Variants in ABCA7 observed in about 807,000 individuals in gnomAD.
The protein encoded by ABCA7 is ATP binding cassette subfamily A member 7.
ABCA7 carries 261 observed loss-of-function variants against 227.6 expected under a neutral mutation model. The observed-to-expected ratio is 1.15, with a 90% CI of 1.04 to 1.27. The LOEUF (loss-of-function observed/expected upper bound fraction) is 1.27. ABCA7 is among the 50% of genes most tolerant of loss of function. The probability of loss-of-function intolerance (pLI) is 0.00; values close to 1 mark genes in which losing one functional copy is unlikely to be tolerated. For synonymous variants in ABCA7, 1,488 were observed against 1,279.7 expected (o/e 1.16, Z -3.47); for missense variants, 3,331 against 2,924.5 (o/e 1.14, Z -3.21).
Position 1,047,192 on chromosome 19 carries a change from G to A in ABCA7, c.1881G>A (p.Val627=), listed in dbSNP as rs1181056127. Residue 627 remains valine, a synonymous_variant, in exon 15 of 47, where the codon GTG becomes GTA. Coordinates refer to ENST00000263094, the MANE Select transcript of ABCA7 (RefSeq NM_019112.4). ...GDILPYSHPG[V]VFLFLAAFAV... is the part of the protein sequence containing the mutation. ...TCCTCCCCTACAGCCACCCGGGCGT[G>A]GTCTTCCTGTTCTTGGCAGCCTTCG... The A allele has an allele frequency of 4.4e-6, 7 of 1,605,634 alleles. No homozygotes were observed. The highest frequency in any genetic ancestry group is 1.3e-5 in the African/African-American group (1 of 74,568).
chr19:1,043,532 T>A (rs2040271124), intron 9 of ABCA7, 59 bp downstream of exon 9: 2 of 1,611,746 alleles, frequency 1.2e-6, no homozygotes, highest in Admixed American at 1.7e-5. Flanking sequence ...TCCAGTACCC[T>A]CAGTCCAGGT....
Position 1,065,082 on chromosome 19 carries a change from G to A in ABCA7, c.6196G>A (p.Ala2066Thr). The A allele has an allele frequency of 6.4e-7, 1 of 1,571,350 alleles. No individual in the cohort carries two copies. Among genetic ancestry groups the A allele is most frequent in the Non-Finnish European group, 8.6e-7 (1 of 1,159,600 alleles). ...CCAGCTGCCGCCGGGAGGGCGCTGC[G>A]CCCTGGCGCGCGTCTTTGGAGAGCT... The part of the protein sequence containing the change: ...RFQLPPGGRC[A>T]LARVFGELAV... Residue 2066 changes from alanine to threonine, a missense_variant, in exon 46 of 47, where the codon GCC becomes ACC. Coordinates refer to ENST00000263094, the MANE Select transcript of ABCA7 (RefSeq NM_019112.4).
chr19:1,062,298 G>A lies in ABCA7; in HGVS notation c.5697G>A (p.Glu1899=). The change falls in exon 42 of 47, where the codon GAG becomes GAA. Residue 1899 remains glutamate, a synonymous_variant. Transcript: ENST00000263094. The stretch of plus-strand genomic sequence containing the variant: ...TTGCGCGCCTGCGCGGTGTCCCGGA[G>A]GCCCAGGTTGCCCAGGTGAGCCCAC... ...ELLARLRGVP[E]AQVAQTAGSG... is the part of the protein sequence containing the mutation. 2 of 1,605,526 alleles carry A rather than the reference G, an allele frequency of 1.2e-6. No individual in the cohort carries two copies. The highest frequency in any genetic ancestry group is 1.7e-6 in the Non-Finnish European group (2 of 1,179,530).
intron 40 of ABCA7, among the ~76,000 whole-genome samples, chr19:1,060,207 AT>A (rs201967062): frequency 4.1e-5 from 4 of 96,770 alleles, no homozygotes; most frequent in African/African-American, 7.0e-5. Flanking sequence ...ATATATATAT[AT>A]TTTTTTTTCT....
intron 17 of ABCA7, 65 bp downstream of exon 17, chr19:1,049,070 T>G: frequency 1.0e-6 from 1 of 972,496 alleles, no homozygotes; most frequent in Non-Finnish European, 1.5e-6. Flanking sequence ...CAAAACGAGA[T>G]TCCACAGATG....
chr19:1,058,968 TG>T, intron 39 of ABCA7, 28 bp downstream of exon 39: 1 of 1,611,550 alleles, frequency 6.2e-7, no homozygotes, highest in Non-Finnish European at 8.5e-7. Flanking sequence ...GACTGCTGGG[TG>T]GGGGGTGCTC....
intron 12 of ABCA7, among the ~76,000 whole-genome samples, 162 bp from the exon 13 acceptor site, chr19:1,046,068 G>C (rs894701522): frequency 3.9e-5 from 6 of 152,198 alleles, no homozygotes; most frequent in African/African-American, 1.2e-4. Flanking sequence ...TGGGGGGATC[G>C]TTTGATCCCG....
In ABCA7 at chr19:1,051,516, C is replaced by T. The variant is rs117390715; in HGVS notation, c.2892C>T (p.Asp964=). Residue 964 remains aspartate (D), a synonymous_variant, in exon 21 of 47, where the codon GAC becomes GAT. Coordinates refer to ENST00000263094, the MANE Select transcript of ABCA7 (RefSeq NM_019112.4). ...GCGGCTCCCAAGTTGTTATCCTGGA[C>T]GAGCCTACGGCTGGCGTGGATCCTG... ...FVGGSQVVIL[D]EPTAGVDPAS... is the part of the protein sequence containing the mutation. 1.9e-6 allele frequency: 3 copies of T among 1,612,528 alleles called. No homozygotes were observed. The highest frequency in any genetic ancestry group is 1.7e-4 in the Middle Eastern group (1 of 6,040).
At chr19:1,059,485 T>C (rs1334346174) in intron 40 of ABCA7, among the ~76,000 whole-genome samples, 1 of 151,464 alleles carries the variant, frequency 6.6e-6, no homozygotes, top group Non-Finnish European at 1.5e-5. Flanking sequence ...CAGGATGGTC[T>C]CCATCTCCTG....
At position 1,055,249 on chromosome 19, in the gene ABCA7, C is replaced by T. The variant is rs139811629; in HGVS notation, c.4103C>T (p.Pro1368Leu). Residue 1368 changes from proline (P) to leucine (L), a missense_variant, in exon 30 of 47, where the codon CCG becomes CTG. By Grantham distance (98) the Pro-to-Leu change is moderately conservative. Coordinates refer to ENST00000263094, the MANE Select transcript of ABCA7 (RefSeq NM_019112.4). Reference sequence around the variant, plus strand: ...CCGGCTGCAGCTGGTGGTCCCCCTCCGCCCCAGGCAGTGACCGGCTCTGGG... The same window carrying T: ...CCGGCTGCAGCTGGTGGTCCCCCTCTGCCCCAGGCAGTGACCGGCTCTGGG... ...DCPAAAGGPP[P>L]PQAVTGSGEV... 60 of 1,603,496 alleles carry T rather than the reference C, an allele frequency of 3.7e-5. No individual in the cohort carries two copies. The highest frequency in any genetic ancestry group is 8.0e-5 in the African/African-American group (6 of 74,652).
chr19:1,053,744 T>G, intron 24 of ABCA7, 44 bp from the exon 25 acceptor site: 1 of 1,588,890 alleles, frequency 6.3e-7, no homozygotes, highest in East Asian at 2.2e-5. Context: ...CCCCCAGTTC[T>G]CCCTGTCGGT....
At chr19:1,064,413 G>A (rs2042899333) in intron 45 of ABCA7, among the ~76,000 whole-genome samples, 160 bp downstream of exon 45, 1 of 152,136 alleles carries the variant, frequency 6.6e-6, no homozygotes. Context: ...GAGGGGGCGA[G>A]ACAGGCTGGG....
At chr19:1,057,681 G>A (rs2042371037) in intron 35 of ABCA7, among the ~76,000 whole-genome samples, 1 of 151,912 alleles carries the variant, frequency 6.6e-6, no homozygotes, top group Non-Finnish European at 1.5e-5. Context: ...GAGGCAGGAG[G>A]ACTGCTTGTG....
Position 1,055,201 on chromosome 19 carries a change from C to T in ABCA7, c.4055C>T (p.Ala1352Val). ...SPACQCSRPG[A>V]RRLLPDCPAA... ...GCCTGCCAGTGTAGCCGGCCCGGTG[C>T]CCGGCGCCTGCTGCCCGACTGCCCG... The change falls in exon 30 of 47, where the codon GCC becomes GTC. Residue 1352 changes from alanine (A) to valine (V), a missense_variant. By Grantham distance (64) the Ala-to-Val change is moderately conservative. Coordinates refer to ENST00000263094, the MANE Select transcript of ABCA7 (RefSeq NM_019112.4). 6.2e-7 allele frequency: 1 copy of T among 1,610,934 alleles called. No individual in the cohort carries two copies. Among genetic ancestry groups the T allele is most frequent in the Non-Finnish European group, 8.5e-7 (1 of 1,179,016 alleles).
intron 41 of ABCA7, 22 bp from the exon 42 acceptor site, chr19:1,062,150 C>G: frequency 1.2e-6 from 2 of 1,608,250 alleles, no homozygotes; most frequent in Non-Finnish European, 1.7e-6. Context: ...GCTCTCTGAG[C>G]CCCCGGCGCC....
rs922973311 is a variant in ABCA7, at chr19:1,049,368, G to C, written c.2483G>C (p.Ser828Thr). The change falls in exon 18 of 47, where the codon AGC becomes ACC. Residue 828 changes from serine (S) to threonine (T), a missense_variant. Physicochemically the swap from Ser to Thr is moderately conservative, Grantham distance 58. Transcript: ENST00000263094. ...CCGCAGCCAGCCCTGCGGGGGCTCA[G>C]CCTGGACTTCTACCAGGGCCACATC... ...GSPQPALRGL[S>T]LDFYQGHITA... 1.2e-6 allele frequency: 2 copies of C among 1,611,298 alleles called. No homozygotes were observed. Among genetic ancestry groups the C allele is most frequent in the Non-Finnish European group, 1.7e-6 (2 of 1,179,152 alleles).
chr19:1,064,292 G>A, intron 45 of ABCA7, 39 bp downstream of exon 45: 1 of 1,525,376 alleles, frequency 6.6e-7, no homozygotes, highest in Non-Finnish European at 8.8e-7. Context: ...TGGGGTGAGG[G>A]TGGGCACGTA....
intron 29 of ABCA7, 62 bp from the exon 30 acceptor site, chr19:1,055,035 G>T: frequency 6.5e-7 from 1 of 1,543,828 alleles, no homozygotes; most frequent in Non-Finnish European, 8.8e-7. Flanking sequence ...GAAGCTGGGT[G>T]CCCACAGACC....
chr19:1,047,279 TGCGGCCTGCG>T lies in ABCA7; in HGVS notation c.1977_1986del (p.Cys659TrpfsTer135), dbSNP rs761775956. 6.2e-7 allele frequency: 1 copy of T among 1,605,862 alleles called. No individual in the cohort carries two copies. The highest frequency in any genetic ancestry group is 1.7e-5 in the Admixed American group (1 of 59,836). Reference sequence around the variant, plus strand: ...CCTTCTTCTCCCGCGCCAACCTGGCTGCGGCCTGCGGCGGCCTGGCCTACTTCTCCCTCTA... The same window carrying T: ...CCTTCTTCTCCCGCGCCAACCTGGCTGCGGCCTGGCCTACTTCTCCCTCTA... On this transcript the variant is annotated frameshift_variant, in exon 15 of 47. Coordinates refer to ENST00000263094, the MANE Select transcript of ABCA7 (RefSeq NM_019112.4). LOFTEE classifies it high-confidence loss of function.
Sources: allele counts gnomAD v4.1 joint callset (sites outside exome capture counted in the v4.1 genomes callset), GRCh38; gene constraint gnomAD v4.1.1; transcripts MANE v1.5; gene names NCBI Gene and HGNC (gene_info 2026-07-23, HGNC 2026-07-21).